The following NPAS3 variants were observed in gnomAD, a reference collection of about 807,000 sequenced individuals.
The protein encoded by NPAS3 is neuronal PAS domain-containing protein 3.
In NPAS3, 14 loss-of-function variants were observed where a neutral mutation model predicts 73.1. The ratio of observed to expected loss-of-function variants is 0.19; its 90% CI spans 0.13 to 0.30. The LOEUF (loss-of-function observed/expected upper bound fraction) is 0.30, where lower values mean the gene tolerates loss of function less well. Ranked by LOEUF, NPAS3 falls within the 10% of genes least tolerant of loss-of-function variation. The probability of loss-of-function intolerance (pLI) is 1.00; values close to 1 mark genes in which losing one functional copy is unlikely to be tolerated. For synonymous variants in NPAS3, 620 were observed against 541.5 expected, an observed-to-expected ratio of 1.14 and a Z score of -2.01; for missense variants, 1,096 against 1,250.0, an observed-to-expected ratio of 0.88 and a Z score of 1.86.
intron 5 of NPAS3, among the ~76,000 whole-genome samples, chr14:33,630,443 G>A (rs561948694): frequency 1.6e-4 from 24 of 152,202 alleles, no homozygotes; most frequent in Non-Finnish European, 2.5e-4. Context: ...CCACTGAGAT[G>A]TTTGAGAAGC....
chr14:33,722,674 T>C (rs571003035), intron 6 of NPAS3, among the ~76,000 whole-genome samples: 1 of 152,240 alleles, frequency 6.6e-6, no homozygotes, highest in East Asian at 1.9e-4. Context: ...TTAGCTTAAT[T>C]AAAGATGTCA....
chr14:33,628,259 C>G (rs1036955875), intron 5 of NPAS3, among the ~76,000 whole-genome samples: 1 of 152,134 alleles, frequency 6.6e-6, no homozygotes, highest in Admixed American at 6.5e-5. Context: ...GCATACAGCT[C>G]AGATTTTTAA....
At chr14:33,564,068 CAT>C (rs1435203144) in intron 5 of NPAS3, among the ~76,000 whole-genome samples, 10 of 151,980 alleles carry the variant, frequency 6.6e-5, no homozygotes, top group African/African-American at 2.4e-4. Context: ...TACATAAACA[CAT>C]ATGATAAAAA....
At chr14:33,027,540 T>A (rs950004013) in intron 1 of NPAS3, among the ~76,000 whole-genome samples, 7 of 152,180 alleles carry the variant, frequency 4.6e-5, no homozygotes, top group Admixed American at 4.6e-4. Context: ...CCCTCTGTCT[T>A]GAATTTTCTT....
chr14:33,461,264 T>C (rs1016814322), intron 4 of NPAS3, among the ~76,000 whole-genome samples: 5 of 152,212 alleles, frequency 3.3e-5, no homozygotes, highest in African/African-American at 4.8e-5. Context: ...GGAATGTCTG[T>C]TTTATTTTGA....
exon 6 of NPAS3, chr14:33,676,369 G>A (rs750842015): frequency 7.0e-6 from 11 of 1,579,756 alleles, no homozygotes; most frequent in African/African-American, 2.7e-5. Context: ...CCTCTCAGTC[G>A]GAGACCCCCG....
intron 9 of NPAS3, among the ~76,000 whole-genome samples, chr14:33,782,586 C>T (rs1566535637): frequency 6.6e-6 from 1 of 152,186 alleles, no homozygotes; most frequent in Non-Finnish European, 1.5e-5. Context: ...CTTCCTTTCT[C>T]TTTATGATGT....
chr14:33,576,740 G>T (rs775163875), intron 5 of NPAS3, among the ~76,000 whole-genome samples: 1 of 152,112 alleles, frequency 6.6e-6, no homozygotes, highest in African/African-American at 2.4e-5. Context: ...CTTCTGATAC[G>T]AATCGAGAAT....
intron 2 of NPAS3, among the ~76,000 whole-genome samples, chr14:33,155,772 A>G (rs966957674): frequency 1.3e-5 from 2 of 152,086 alleles, no homozygotes; most frequent in African/African-American, 4.8e-5. Flanking sequence ...CTCTGTCTTC[A>G]TGTTGTAGAT....
At chr14:33,116,269 T>G (rs539728207) in intron 2 of NPAS3, among the ~76,000 whole-genome samples, 14 of 152,268 alleles carry the variant, frequency 9.2e-5, no homozygotes, top group African/African-American at 3.4e-4. Context: ...CATGCTACTT[T>G]CTGTTCTTTG....
chr14:33,215,473 G>A (rs768128873), intron 3 of NPAS3, 47 bp downstream of exon 3: 1 of 1,600,262 alleles, frequency 6.2e-7, no homozygotes, highest in East Asian at 2.2e-5. Context: ...GTCTGTAGGG[G>A]TCTGTAAGAC....
At chr14:33,261,779 G>C (rs1460369927) in intron 3 of NPAS3, among the ~76,000 whole-genome samples, 1 of 152,078 alleles carries the variant, frequency 6.6e-6, no homozygotes, top group African/African-American at 2.4e-5. Context: ...CTATTTTAAT[G>C]TAATAGAGTT....
chr14:33,576,735 G>C (rs2056449252), intron 5 of NPAS3, among the ~76,000 whole-genome samples: 1 of 152,320 alleles, frequency 6.6e-6, no homozygotes, highest in African/African-American at 2.4e-5. Flanking sequence ...GCCCTCTTCT[G>C]ATACGAATCG....
intron 7 of NPAS3, among the ~76,000 whole-genome samples, chr14:33,757,428 T>C (rs186860642): frequency 6.6e-6 from 1 of 152,270 alleles, no homozygotes; most frequent in East Asian, 1.9e-4. Context: ...TCCAAAGTTA[T>C]ACAGGCAAAT....
At chr14:33,573,919 G>A (rs1465221836) in intron 5 of NPAS3, among the ~76,000 whole-genome samples, 1 of 152,176 alleles carries the variant, frequency 6.6e-6, no homozygotes, top group Admixed American at 6.5e-5. Context: ...GACTCGAGAA[G>A]CCTTTTTCCG....
chr14:32,935,002 C>A, upstream of NPAS3: 2 of 1,321,738 alleles, frequency 1.5e-6, no homozygotes, highest in Non-Finnish European at 1.9e-6. Flanking sequence ...CTACCAGCAG[C>A]GGTGAGTAGT....
At chr14:33,613,634 T>G (rs17101617) in intron 5 of NPAS3, among the ~76,000 whole-genome samples, 4,265 of 152,256 alleles carry the variant, frequency 0.028, 215 homozygotes, top group African/African-American at 0.098. Flanking sequence ...CTCAGTGGCT[T>G]CCACTGCACC....
intron 2 of NPAS3, among the ~76,000 whole-genome samples, chr14:33,151,338 C>T (rs1293521925): frequency 6.6e-6 from 1 of 152,160 alleles, no homozygotes; most frequent in Non-Finnish European, 1.5e-5. Context: ...GTTATTTTAA[C>T]GTAAATAAGT....
chr14:32,978,428 G>C (rs2037775575), intron 1 of NPAS3, among the ~76,000 whole-genome samples: 2 of 152,196 alleles, frequency 1.3e-5, no homozygotes, highest in African/African-American at 4.8e-5. Context: ...GTCCTCCAGA[G>C]TTCTGCAAAA....
Sources: allele counts gnomAD v4.1 joint callset (sites outside exome capture counted in the v4.1 genomes callset), GRCh38; gene constraint gnomAD v4.1.1; transcripts MANE v1.5; gene names NCBI Gene and HGNC (gene_info 2026-07-23, HGNC 2026-07-21).